Variants in XKR9 observed in about 807,000 individuals in gnomAD.
XKR9 encodes XK-related protein 9.
XKR9 carries 32 observed loss-of-function variants against 32.0 expected under a neutral mutation model. The observed-to-expected ratio is 1.00, with a 90% CI of 0.76 to 1.34. The LOEUF (loss-of-function observed/expected upper bound fraction) is 1.34. XKR9 is among the 40% of genes most tolerant of loss of function. The pLI, the probability that XKR9 is intolerant of heterozygous loss-of-function variation, is 0.00. For missense variants in XKR9, 546 were observed against 429.7 expected (o/e 1.27, Z -2.39); for synonymous variants, 168 against 143.4 (o/e 1.17, Z -1.22).
rs144930489 is a variant in XKR9 at position 70,707,003 on chromosome 8, G to T, written c.343G>T (p.Glu115Ter). ...TGACAGCAATACTAGTAACTTCGTGGAAGAACAAATTGATCTACATAAAGA... is the reference window on the plus strand; with the variant it reads ...TGACAGCAATACTAGTAACTTCGTGTAAGAACAAATTGATCTACATAAAGA... ...KYDSNTSNFV[E>*]EQIDLHKEVI... is the part of the protein sequence containing the mutation. The change falls in exon 4 of 5, where the codon GAA (glutamate) becomes TAA (stop). Residue 115 changes from glutamate (E) to a stop codon, truncating the protein, a stop_gained. Coordinates refer to ENST00000408926, the MANE Select transcript of XKR9 (RefSeq NM_001011720.2). LOFTEE classifies it high-confidence loss of function. 12 of 1,613,236 alleles carry T rather than the reference G, an allele frequency of 7.4e-6. No homozygotes were observed. Among genetic ancestry groups the T allele is most frequent in the African/African-American group, 1.3e-5 (1 of 74,908 alleles).
the XKR9 span, among the ~76,000 whole-genome samples, chr8:70,887,715 G>C: frequency 2.6e-5 from 4 of 151,768 alleles, no homozygotes; most frequent in African/African-American, 9.7e-5. Context: ...TCATGATTTG[G>C]CTCTCTGCTT....
At chr8:70,823,447 C>T in the XKR9 span, among the ~76,000 whole-genome samples, 1 of 152,190 alleles carries the variant, frequency 6.6e-6, no homozygotes, top group Non-Finnish European at 1.5e-5. Context: ...TTTTCCTCAG[C>T]CTTTCTATCT....
intron 3 of XKR9, among the ~76,000 whole-genome samples, chr8:70,694,873 T>C (rs1805204842): frequency 6.6e-6 from 1 of 152,206 alleles, no homozygotes; most frequent in Non-Finnish European, 1.5e-5. Flanking sequence ...TGGAAAGCCC[T>C]AGTATCTAAG....
At chr8:71,053,473 G>T in the XKR9 span, among the ~76,000 whole-genome samples, 1 of 152,200 alleles carries the variant, frequency 6.6e-6, no homozygotes, top group African/African-American at 2.4e-5. Context: ...TTTCCATTCA[G>T]CAGTGTAATA....
the XKR9 span, among the ~76,000 whole-genome samples, chr8:70,878,187 G>C: frequency 2.0e-5 from 3 of 152,140 alleles, no homozygotes; most frequent in Admixed American, 6.6e-5. Flanking sequence ...ACCAGTACCA[G>C]CTGCTGCAAA....
At chr8:70,885,757 C>T in the XKR9 span, among the ~76,000 whole-genome samples, 49 of 152,186 alleles carry the variant, frequency 3.2e-4, no homozygotes, top group African/African-American at 8.2e-4. Flanking sequence ...CCACCACGCC[C>T]GGCTAATTTT....
chr8:70,886,894 A>G, the XKR9 span, among the ~76,000 whole-genome samples: 2 of 151,952 alleles, frequency 1.3e-5, no homozygotes, highest in Non-Finnish European at 2.9e-5. Context: ...GTTTAATTAG[A>G]TCCCGTTTGT....
chr8:70,999,932 C>A, the XKR9 span, among the ~76,000 whole-genome samples: 1 of 152,272 alleles, frequency 6.6e-6, no homozygotes, highest in East Asian at 1.9e-4. Context: ...AACCTTGCAT[C>A]CCTTTTCTCT....
At chr8:70,937,800 T>A in the XKR9 span, among the ~76,000 whole-genome samples, 9 of 152,130 alleles carry the variant, frequency 5.9e-5, no homozygotes, top group Non-Finnish European at 8.8e-5. Context: ...TCCAGCACAC[T>A]GACCTCTAGT....
chr8:71,055,955 A>T, the XKR9 span, among the ~76,000 whole-genome samples: 1 of 152,190 alleles, frequency 6.6e-6, no homozygotes, highest in Non-Finnish European at 1.5e-5. Context: ...CTAATATACA[A>T]ATATGAAGGA....
chr8:70,877,064 T>A, the XKR9 span, among the ~76,000 whole-genome samples: 1 of 152,176 alleles, frequency 6.6e-6, no homozygotes, highest in Non-Finnish European at 1.5e-5. Context: ...CAGTTCTGCA[T>A]GGCTGGGGAG....
chr8:71,017,097 A>G, the XKR9 span, among the ~76,000 whole-genome samples: 1 of 152,180 alleles, frequency 6.6e-6, no homozygotes, highest in East Asian at 1.9e-4. Context: ...CAAACTACCA[A>G]TGTAATATGT....
chr8:70,698,568 G>T (rs1052508789), intron 3 of XKR9, among the ~76,000 whole-genome samples: 3 of 152,132 alleles, frequency 2.0e-5, no homozygotes, highest in African/African-American at 7.2e-5. Context: ...TGTAATTTCT[G>T]TTCTTTTACA....
chr8:70,906,068 C>T, the XKR9 span, among the ~76,000 whole-genome samples: 5 of 152,290 alleles, frequency 3.3e-5, no homozygotes, highest in Admixed American at 2.0e-4. Context: ...TTAGGCTACT[C>T]GGGGGTCAGG....
At chr8:71,007,019 G>A in the XKR9 span, among the ~76,000 whole-genome samples, 1 of 152,186 alleles carries the variant, frequency 6.6e-6, no homozygotes, top group Non-Finnish European at 1.5e-5. Flanking sequence ...CAGGCTTCGT[G>A]TTATAATCAG....
chr8:70,975,850 G>A, the XKR9 span, among the ~76,000 whole-genome samples: 320 of 152,078 alleles, frequency 2.1e-3, 7 homozygotes, highest in Non-Finnish European at 1.9e-3. Context: ...CCATTTTCAC[G>A]ATATTGATTC....
At chr8:70,993,641 CCTTCCT>C in the XKR9 span, among the ~76,000 whole-genome samples, 1 of 150,356 alleles carries the variant, frequency 6.7e-6, no homozygotes, top group Non-Finnish European at 1.5e-5. Flanking sequence ...TTCCTTCCTT[CCTTCCT>C]TCCTTCCTTC....
the XKR9 span, among the ~76,000 whole-genome samples, chr8:70,882,581 A>T: frequency 6.6e-6 from 1 of 152,024 alleles, no homozygotes; most frequent in African/African-American, 2.4e-5. Context: ...ATAAGAATAT[A>T]CTTTTAAAAA....
chr8:70,813,069 A>T, the XKR9 span, among the ~76,000 whole-genome samples: 1 of 152,204 alleles, frequency 6.6e-6, no homozygotes, highest in Admixed American at 6.5e-5. Context: ...TAACCAAAAC[A>T]GCATGGTACT....
Sources: allele counts gnomAD v4.1 joint callset (sites outside exome capture counted in the v4.1 genomes callset), GRCh38; gene constraint gnomAD v4.1.1; transcripts MANE v1.5; gene names NCBI Gene and HGNC (gene_info 2026-07-23, HGNC 2026-07-21).